Variants in SCMH1 observed in about 807,000 individuals in gnomAD.
SCMH1 encodes the protein Scm polycomb group protein homolog 1, also known as polycomb protein SCMH1.
SCMH1 carries 37 observed loss-of-function variants against 70.8 expected under a neutral mutation model. The observed-to-expected ratio is 0.52, with a 90% CI of 0.40 to 0.69. The LOEUF is 0.69. Ranked by LOEUF, SCMH1 falls within the 30% of genes least tolerant of loss-of-function variation. The pLI is 0.00. For synonymous variants in SCMH1, 292 were observed against 307.4 expected (o/e 0.95, Z 0.52); for missense variants, 607 against 827.3 (o/e 0.73, Z 3.27).
intron 1 of SCMH1, among the ~76,000 whole-genome samples, chr1:41,230,659 T>TAAA (rs61454170): frequency 7.4e-6 from 1 of 135,616 alleles, no homozygotes; most frequent in Non-Finnish European, 1.6e-5. Flanking sequence ...CCCTATGTCT[T>TAAA]AAAAAAAAAA....
chr1:41,227,370 T>C (rs1660472124), intron 1 of SCMH1, among the ~76,000 whole-genome samples: 4 of 152,236 alleles, frequency 2.6e-5, no homozygotes, highest in Admixed American at 2.6e-4. Context: ...CCTTCCATAG[T>C]CACTCTGTTT....
At chr1:41,122,496 C>T (rs369840746) in intron 6 of SCMH1, among the ~76,000 whole-genome samples, 2 of 152,196 alleles carry the variant, frequency 1.3e-5, no homozygotes, top group Non-Finnish European at 2.9e-5. Context: ...TCTTCTCCAA[C>T]TAGAATACAA....
At chr1:41,105,512 C>G (rs779148731) in intron 8 of SCMH1, among the ~76,000 whole-genome samples, 18 of 152,226 alleles carry the variant, frequency 1.2e-4, no homozygotes, top group Admixed American at 2.6e-4. Flanking sequence ...AGAAAACAAT[C>G]CCAACTTCCT....
intron 1 of SCMH1, among the ~76,000 whole-genome samples, chr1:41,231,818 C>T (rs1443065606): frequency 4.6e-5 from 7 of 151,874 alleles, no homozygotes; most frequent in African/African-American, 9.7e-5. Flanking sequence ...GTCAGGAGTT[C>T]GAGAACAGCC....
intron 1 of SCMH1, among the ~76,000 whole-genome samples, chr1:41,233,162 G>C (rs1316047382): frequency 2.6e-5 from 4 of 151,944 alleles, no homozygotes; most frequent in African/African-American, 9.7e-5. Flanking sequence ...TGGCAAACTG[G>C]GACTTGAATC....
intron 4 of SCMH1, among the ~76,000 whole-genome samples, chr1:41,154,669 T>C (rs1193621995): frequency 6.6e-6 from 1 of 152,204 alleles, no homozygotes; most frequent in African/African-American, 2.4e-5. Context: ...TGTCTTGAGA[T>C]TGCAGAACAT....
At chr1:41,212,822 T>A (rs1025723118) in intron 1 of SCMH1, among the ~76,000 whole-genome samples, 3 of 152,162 alleles carry the variant, frequency 2.0e-5, no homozygotes, top group African/African-American at 7.2e-5. Context: ...TTAAATTAAT[T>A]TTTAAAAATA....
chr1:41,221,232 G>C (rs572084443), intron 1 of SCMH1, among the ~76,000 whole-genome samples: 1 of 152,268 alleles, frequency 6.6e-6, no homozygotes, highest in East Asian at 1.9e-4. Context: ...TAAGAGTAGT[G>C]GTTGCAGGGG....
intron 6 of SCMH1, among the ~76,000 whole-genome samples, chr1:41,132,832 G>A (rs1211935714): frequency 6.6e-6 from 1 of 152,152 alleles, no homozygotes; most frequent in African/African-American, 2.4e-5. Flanking sequence ...TGTCATGTTT[G>A]TCAAAGATCA....
At chr1:41,233,064 T>C (rs540256632) in intron 1 of SCMH1, among the ~76,000 whole-genome samples, 1 of 152,294 alleles carries the variant, frequency 6.6e-6, no homozygotes, top group South Asian at 2.1e-4. Context: ...ACTGAATAAA[T>C]GACCTAATAG....
At chr1:41,097,093 G>A (rs561314854) in intron 8 of SCMH1, among the ~76,000 whole-genome samples, 19 of 152,186 alleles carry the variant, frequency 1.2e-4, no homozygotes, top group Non-Finnish European at 2.4e-4. Flanking sequence ...GAAGTAAAAT[G>A]TATATCTAGA....
chr1:41,209,904 A>C (rs991482390), intron 1 of SCMH1, among the ~76,000 whole-genome samples: 18 of 152,350 alleles, frequency 1.2e-4, no homozygotes, highest in South Asian at 2.1e-4. Context: ...TTCAATTAGG[A>C]AAAGAGGAAG....
intron 10 of SCMH1, among the ~76,000 whole-genome samples, chr1:41,063,249 G>A (rs545593893): frequency 5.3e-5 from 8 of 152,142 alleles, no homozygotes; most frequent in South Asian, 2.1e-4. Context: ...TGAGGCGGGC[G>A]GATCATGAGG....
rs189334656 is a variant in SCMH1 at position 41,030,604 on chromosome 1, T to G, written c.1679-1878A>C. Among the ~76,000 whole-genome samples the G allele has an allele frequency of 4.6e-5, 7 of 152,220 alleles. No homozygotes were observed. The East Asian group carries it at 1.2e-3, about 25-fold the overall frequency. On this transcript the variant is annotated intron_variant, in intron 13 of 14. Coordinates refer to ENST00000337495, the Ensembl canonical transcript of SCMH1. ...TTCCACAGAGAGGCCTTCCCTGATCTCCTAGTAAAAATGCTCAATTCCCCG... is the reference window on the plus strand; with the variant it reads ...TTCCACAGAGAGGCCTTCCCTGATCGCCTAGTAAAAATGCTCAATTCCCCG...
intron 10 of SCMH1, among the ~76,000 whole-genome samples, chr1:41,051,968 G>A (rs1334597234): frequency 6.6e-6 from 1 of 152,162 alleles, no homozygotes; most frequent in Non-Finnish European, 1.5e-5. Flanking sequence ...AGTATTGCAA[G>A]CTCCATTCAC....
intron 2 of SCMH1, among the ~76,000 whole-genome samples, chr1:41,181,583 C>A (rs138137870): frequency 3.9e-5 from 6 of 152,124 alleles, no homozygotes; most frequent in East Asian, 1.9e-4. Context: ...ATGCAGCCAA[C>A]AGACACATGA....
exon 6 of SCMH1, chr1:41,143,111 G>C (rs1378649710): frequency 1.2e-6 from 2 of 1,613,438 alleles, no homozygotes; most frequent in South Asian, 1.1e-5. Context: ...AGGTGTGTAG[G>C]ACTGGGAAAA....
chr1:41,197,242 C>T (rs1653246172), intron 1 of SCMH1, among the ~76,000 whole-genome samples: 1 of 152,136 alleles, frequency 6.6e-6, no homozygotes, highest in African/African-American at 2.4e-5. Flanking sequence ...CACCTGTACA[C>T]CAATGTTCAT....
intron 10 of SCMH1, among the ~76,000 whole-genome samples, chr1:41,049,583 A>G (rs1647270004): frequency 6.7e-6 from 1 of 149,852 alleles, no homozygotes; most frequent in African/African-American, 2.5e-5. Context: ...CAGCCTGGTG[A>G]AGAGGTGAAA....
Sources: allele counts gnomAD v4.1 joint callset (sites outside exome capture counted in the v4.1 genomes callset), GRCh38; gene constraint gnomAD v4.1.1; transcripts MANE v1.5; gene names NCBI Gene and HGNC (gene_info 2026-07-23, HGNC 2026-07-21).